Variants in CHTF18 observed in about 807,000 individuals in gnomAD.
The protein encoded by CHTF18 is chromosome transmission fidelity protein 18 homolog.
CHTF18 carries 151 observed loss-of-function variants against 113.4 expected under a neutral mutation model. The observed-to-expected ratio is 1.33, with a 90% CI of 1.17 to 1.52. The LOEUF (loss-of-function observed/expected upper bound fraction) is 1.52, where lower values mean the gene tolerates loss of function less well. CHTF18 is among the 40% of genes most tolerant of loss of function. CHTF18 has a pLI of 0.00. For missense variants in CHTF18, 1,982 were observed against 1,381.6 expected, an observed-to-expected ratio of 1.43 and a Z score of -6.89; for synonymous variants, 916 against 598.8, an observed-to-expected ratio of 1.53 and a Z score of -7.74.
Position 791,501 on chromosome 16 carries a change from A to G in CHTF18, c.1104+131A>G, listed in dbSNP as rs1001498936. The G allele has an allele frequency of 8.3e-6, 12 of 1,444,064 alleles. No individual in the cohort carries two copies. The African/African-American group carries it at 1.1e-4, about 14-fold the overall frequency. The allele number at this position is 1,444,064 out of a possible 1,614,324, so 89.5% of individuals were successfully genotyped here. ...CGTGTGGGTCTTGGCGTGAAGCGCCATTAGCGTGAGTTAGAACTGGAGCGT... is the reference window on the plus strand; with the variant it reads ...CGTGTGGGTCTTGGCGTGAAGCGCCGTTAGCGTGAGTTAGAACTGGAGCGT... On this transcript the variant is annotated intron_variant, in intron 8 of 21. Transcript: ENST00000262315.
Position 794,215 on chromosome 16 carries a change from A to G in CHTF18, c.1950+14A>G. 1 of 1,607,006 alleles carries G rather than the reference A, an allele frequency of 6.2e-7. No individual in the cohort carries two copies. The highest frequency in any genetic ancestry group is 1.7e-5 in the Admixed American group (1 of 59,850). Reference sequence around the variant, plus strand: ...AAGGTGGTCCAGGTACCTGTCTTCCACCAAAATGCCTGCCTGGGGCCGCCT... The same window carrying G: ...AAGGTGGTCCAGGTACCTGTCTTCCGCCAAAATGCCTGCCTGGGGCCGCCT... On this transcript the variant is annotated intron_variant, in intron 15 of 21. Transcript: ENST00000262315.
At chr16:789,433 G>A in intron 3 of CHTF18, 73 bp downstream of exon 3, 1 of 1,534,746 alleles carries the variant, frequency 6.5e-7, no homozygotes, top group Non-Finnish European at 8.8e-7. Context: ...CCCGTGCCCT[G>A]GATGAGGCCT....
chr16:797,914 G>A lies in CHTF18; in HGVS notation c.2867G>A (p.Arg956His), dbSNP rs377317397. The A allele has an allele frequency of 1.6e-5, 25 of 1,612,156 alleles. No individual in the cohort carries two copies. Among genetic ancestry groups the A allele is most frequent in the Middle Eastern group, 1.7e-4 (1 of 6,054 alleles). The change falls in exon 22 of 22, where the codon CGC (arginine) becomes CAC (histidine). Residue 956 changes from arginine (R) to histidine (H), a missense_variant. By Grantham distance (29) the Arg-to-His change is conservative. Transcript: ENST00000262315. ...TAVGRSEVWF[R>H]FNEGVSNAVR... ...GTGGGCAGGAGCGAGGTCTGGTTCCGCTTCAACGAGGGTGTCTCCAACGCC... is the reference window on the plus strand; with the variant it reads ...GTGGGCAGGAGCGAGGTCTGGTTCCACTTCAACGAGGGTGTCTCCAACGCC...
At position 793,007 on chromosome 16, in the gene CHTF18, G is replaced by A; in HGVS notation, c.1614G>A (p.Leu538=). 1 of 1,554,154 alleles carries A rather than the reference G, an allele frequency of 6.4e-7. No homozygotes were observed. The highest frequency in any genetic ancestry group is 8.7e-7 in the Non-Finnish European group (1 of 1,148,664). The stretch of plus-strand genomic sequence containing the variant: ...GCATGAGGGCCGACCCAGGGGTGCT[G>A]GCCGCCCTCTGTGAGAAAACTGACA... ...RQGMRADPGV[L]AALCEKTDND... Residue 538 remains leucine (L), a synonymous_variant, in exon 13 of 22, where the codon CTG becomes CTA. Transcript: ENST00000262315.
rs1309876722 is a variant in CHTF18 at position 792,498 on chromosome 16, ACAGGGCCCGGCTGTGCCTTCGGGAG to A, written c.1387_1411del (p.Gln463AlafsTer13). The A allele has an allele frequency of 1.3e-6, 2 of 1,595,860 alleles. No individual in the cohort carries two copies. The highest frequency in any genetic ancestry group is 1.7e-6 in the Non-Finnish European group (2 of 1,172,296). ...GCAAGGGGCCACAGGAGGTGGGGCCACAGGGCCCGGCTGTGCCTTCGGGAGGCGGCCGACGGCGCCGGGCAGAGGG... is the reference window on the plus strand; with the variant it reads ...GCAAGGGGCCACAGGAGGTGGGGCCAGCGGCCGACGGCGCCGGGCAGAGGG... On this transcript the variant is annotated frameshift_variant, in exon 11 of 22. Transcript: ENST00000262315. LOFTEE classifies it high-confidence loss of function.
Position 790,820 on chromosome 16 carries a change from C to T in CHTF18, c.894+154C>T, listed in dbSNP as rs1170470918. 9 of 1,433,630 alleles carry T rather than the reference C, an allele frequency of 6.3e-6. No homozygotes were observed. The Admixed American group carries it at 8.7e-5, about 14-fold the overall frequency. The allele number at this position is 1,433,630 out of a possible 1,614,324, so 88.8% of individuals were successfully genotyped here. On this transcript the variant is annotated intron_variant, in intron 7 of 21. Transcript: ENST00000262315. ...TTTGAGTTGTAGGTGGTGAACTGAG[C>T]ACAGGGCTGTGTGCTACTGGTCCCC...
At position 793,175 on chromosome 16, in the gene CHTF18, G is replaced by A. The variant is rs1359284705; in HGVS notation, c.1703G>A (p.Ser568Asn). Residue 568 changes from serine to asparagine, a missense_variant, in exon 14 of 22, where the codon AGC (serine) becomes AAC (asparagine). By Grantham distance (46) the Ser-to-Asn change is conservative. Transcript: ENST00000262315. ...FLYSRGQRELSVRDVQATRVG... is the reference protein window; with the variant it reads ...FLYSRGQRELNVRDVQATRVG... ...TACAGCCGGGGCCAGCGGGAGCTGA[G>A]CGTGCGGGACGTGCAGGCCACACGC... is the stretch of plus-strand genomic sequence containing the variant. 1 of 1,607,102 alleles carries A rather than the reference G, an allele frequency of 6.2e-7. No individual in the cohort carries two copies. The highest frequency in any genetic ancestry group is 8.5e-7 in the Non-Finnish European group (1 of 1,177,960).
intron 8 of CHTF18, 40 bp from the exon 9 acceptor site, chr16:791,811 G>T: frequency 1.3e-6 from 2 of 1,563,764 alleles, no homozygotes; most frequent in South Asian, 1.2e-5. Flanking sequence ...GCGTCCTGTA[G>T]GTGCGGTGCA....
intron 15 of CHTF18, 96 bp from the exon 16 acceptor site, chr16:795,036 G>A: frequency 2.0e-6 from 2 of 1,000,328 alleles, no homozygotes; most frequent in East Asian, 2.6e-5. Flanking sequence ...CAGGCGGCAG[G>A]CAGGAGTGGA....
In CHTF18 at chr16:789,294, A is replaced by G; in HGVS notation, c.371A>G (p.Asp124Gly). Residue 124 changes from aspartate (D) to glycine (G), a missense_variant, in exon 3 of 22, where the codon GAC becomes GGC. Coordinates refer to ENST00000262315, the MANE Select transcript of CHTF18 (RefSeq NM_022092.3). The part of the protein sequence containing the change: ...SEEMEEPPPP[D>G]SSPTDITPPP... ...GAGATGGAGGAGCCGCCCCCTCCCG[A>G]CTCCTCGCCGACGGACATCACCCCG... is the stretch of plus-strand genomic sequence containing the variant. The G allele has an allele frequency of 6.3e-7, 1 of 1,591,042 alleles. No homozygotes were observed. The highest frequency in any genetic ancestry group is 1.3e-5 in the African/African-American group (1 of 74,268).
Position 791,054 on chromosome 16 carries a change from C to T in CHTF18, c.895-107C>T. 14 of 1,498,650 alleles carry T rather than the reference C, an allele frequency of 9.3e-6. No homozygotes were observed. In the South Asian group the frequency reaches 1.8e-4, roughly 19 times the overall value. 92.8% of individuals were successfully genotyped at this position (1,498,650 alleles called of 1,614,324 possible). A position where few individuals can be genotyped will look rare whatever the true frequency, so the allele number is the denominator to read the frequency against. ...AGGAAGACGGGGGTGGCCATTCATCCTGTGGCTTGGCATCCCATGGGGCAT... is the reference window on the plus strand; with the variant it reads ...AGGAAGACGGGGGTGGCCATTCATCTTGTGGCTTGGCATCCCATGGGGCAT... On this transcript the variant is annotated intron_variant, in intron 7 of 21. Transcript: ENST00000262315.
In CHTF18 at chr16:790,028, A is replaced by G. The variant is rs1350737341; in HGVS notation, c.607-149A>G. 11 of 1,535,460 alleles carry G rather than the reference A, an allele frequency of 7.2e-6. No individual in the cohort carries two copies. The East Asian group carries it at 9.8e-5, about 14-fold the overall frequency. ...GCAGCTGACCCATCTGGATGGCTTCATTCCTTTGGCACCCCTGTCCAGTCT... is the reference window on the plus strand; with the variant it reads ...GCAGCTGACCCATCTGGATGGCTTCGTTCCTTTGGCACCCCTGTCCAGTCT... On this transcript the variant is annotated intron_variant, in intron 4 of 21. Coordinates refer to ENST00000262315, the MANE Select transcript of CHTF18 (RefSeq NM_022092.3).
chr16:790,115 G>A (rs938148447), intron 4 of CHTF18, 62 bp from the exon 5 acceptor site: 8 of 1,544,268 alleles, frequency 5.2e-6, no homozygotes, highest in Non-Finnish European at 7.0e-6. Context: ...CACTGATGGG[G>A]GCTGACGTGA....
Position 793,254 on chromosome 16 carries a change from C to T in CHTF18, c.1782C>T (p.Phe594=), listed in dbSNP as rs759090878. ...TCTTCTCGGTGTGGCAGGAGGTCTTCCAGCTGCCTCGAGCCCAGAGGTAGG... is the reference window on the plus strand; with the variant it reads ...TCTTCTCGGTGTGGCAGGAGGTCTTTCAGCTGCCTCGAGCCCAGAGGTAGG... The part of the protein sequence containing the change: ...RGLFSVWQEV[F]QLPRAQRRRV... The change falls in exon 14 of 22, where the codon TTC becomes TTT. Residue 594 remains phenylalanine, a synonymous_variant. Coordinates refer to ENST00000262315, the MANE Select transcript of CHTF18 (RefSeq NM_022092.3). The T allele has an allele frequency of 1.3e-5, 21 of 1,606,932 alleles. No individual in the cohort carries two copies. Among genetic ancestry groups the T allele is most frequent in the Non-Finnish European group, 1.8e-5 (21 of 1,178,528 alleles).
In CHTF18 at chr16:796,780, G is replaced by A. The variant is rs374658777; in HGVS notation, c.2520G>A (p.Thr840=). The change falls in exon 19 of 22, where the codon ACG becomes ACA. Residue 840 remains threonine, a synonymous_variant. Coordinates refer to ENST00000262315, the MANE Select transcript of CHTF18 (RefSeq NM_022092.3). The part of the protein sequence containing the change: ...LPARKPLTYQ[T]KQLIAREIEV... ...CCCGCAAGCCCCTCACCTACCAGAC[G>A]AAGCAGCTCATCGCCCGCGAGATCG... is the stretch of plus-strand genomic sequence containing the variant. 58 of 1,610,164 alleles carry A rather than the reference G, an allele frequency of 3.6e-5. No homozygotes were observed. Among genetic ancestry groups the A allele is most frequent in the African/African-American group, 5.3e-5 (4 of 75,032 alleles).
chr16:791,291 G>A lies in CHTF18; in HGVS notation c.1025G>A (p.Gly342Asp). 2 of 1,610,814 alleles carry A rather than the reference G, an allele frequency of 1.2e-6. No individual in the cohort carries two copies. Among genetic ancestry groups the A allele is most frequent in the Non-Finnish European group, 8.5e-7 (1 of 1,179,582 alleles). The change falls in exon 8 of 22, where the codon GGC becomes GAC. Residue 342 changes from glycine (G) to aspartate (D), a missense_variant. By Grantham distance (94) the Gly-to-Asp change is moderately conservative. Coordinates refer to ENST00000262315, the MANE Select transcript of CHTF18 (RefSeq NM_022092.3). The stretch of plus-strand genomic sequence containing the variant: ...GTCAGCAAGGAGGCCACAGCCCCAG[G>A]CAAGTGGAAGAGCCACGAACAGGTG... ...ARVSKEATAP[G>D]KWKSHEQVLE...
chr16:789,792 T>C, intron 4 of CHTF18, 77 bp downstream of exon 4: 5 of 1,451,274 alleles, frequency 3.4e-6, no homozygotes, highest in Non-Finnish European at 4.6e-6. Flanking sequence ...CCCTCACCCC[T>C]GCCATTTGCT....
Position 789,147 on chromosome 16 carries a change from A to G in CHTF18, c.286+22A>G, listed in dbSNP as rs376109551. 1.1e-4 allele frequency: 166 copies of G among 1,549,272 alleles called. No homozygotes were observed. In the African/African-American group the frequency reaches 1.9e-3, roughly 18 times the overall value. ...CACGGTAGGTTGGCGGCATTGCCCCAGGGCCTCCGGAGTGGGCGCGAGGCT... is the reference window on the plus strand; with the variant it reads ...CACGGTAGGTTGGCGGCATTGCCCCGGGGCCTCCGGAGTGGGCGCGAGGCT... On this transcript the variant is annotated intron_variant, in intron 2 of 21. Coordinates refer to ENST00000262315, the MANE Select transcript of CHTF18 (RefSeq NM_022092.3).
rs148486176 is a variant in CHTF18 at position 795,051 on chromosome 16, CTG to C, written c.1951-78_1951-77del. 8,578 of 1,145,818 alleles carry C rather than the reference CTG, an allele frequency of 7.5e-3. 294 individuals are homozygous for C. In the African/African-American group the frequency reaches 0.091, roughly 12 times the overall value. 71.0% of individuals were successfully genotyped at this position (1,145,818 alleles called of 1,614,324 possible). ...CAGGCGGCAGGCAGGAGTGGAGGGT[CTG>C]TGGCGGGAGGTGGAGGGTCCGTGGT... On this transcript the variant is annotated intron_variant, in intron 15 of 21. Coordinates refer to ENST00000262315, the MANE Select transcript of CHTF18 (RefSeq NM_022092.3).
Sources: allele counts gnomAD v4.1 joint callset, GRCh38; gene constraint gnomAD v4.1.1; transcripts MANE v1.5; gene names NCBI Gene and HGNC (gene_info 2026-07-23, HGNC 2026-07-21).